Variants in LRP1B observed in about 807,000 individuals in gnomAD.
The protein encoded by LRP1B is low-density lipoprotein receptor-related protein 1B.
In LRP1B, 217 loss-of-function variants were observed where a neutral mutation model predicts 556.6. The ratio of observed to expected loss-of-function variants is 0.39; its 90% CI spans 0.35 to 0.44. The LOEUF (loss-of-function observed/expected upper bound fraction) is 0.44, where lower values mean the gene tolerates loss of function less well. Among genes scored for constraint, LRP1B ranks in the 20% least tolerant of loss-of-function variants. The pLI, the probability that LRP1B is intolerant of heterozygous loss-of-function variation, is 1.00. For missense variants in LRP1B, 5,053 were observed against 5,620.8 expected (o/e 0.90, Z 3.23); for synonymous variants, 2,047 against 1,865.8 (o/e 1.10, Z -2.50).
intron 60 of LRP1B, among the ~76,000 whole-genome samples, chr2:140,471,947 A>C (rs1176435320): frequency 6.6e-6 from 1 of 152,170 alleles, no homozygotes; most frequent in African/African-American, 2.4e-5. Flanking sequence ...CCTCTGTGTG[A>C]AGACTCCTTC....
chr2:141,182,498 G>T (rs1681049674), intron 7 of LRP1B, among the ~76,000 whole-genome samples: 1 of 151,686 alleles, frequency 6.6e-6, no homozygotes, highest in African/African-American at 2.4e-5. Flanking sequence ...AATATACACT[G>T]ATAAACCAAA....
intron 41 of LRP1B, among the ~76,000 whole-genome samples, chr2:140,699,602 T>A (rs1368941196): frequency 1.4e-5 from 2 of 143,416 alleles, no homozygotes; most frequent in African/African-American, 5.0e-5. Flanking sequence ...AAGAGAGAAG[T>A]TGTGTGAAGA....
At chr2:141,937,461 T>C (rs1389977031) in intron 1 of LRP1B, among the ~76,000 whole-genome samples, 1 of 151,372 alleles carries the variant, frequency 6.6e-6, no homozygotes, top group East Asian at 1.9e-4. Context: ...CTGTAGCAAA[T>C]ATGGAGAAAC....
intron 2 of LRP1B, among the ~76,000 whole-genome samples, chr2:141,621,166 A>G (rs1042720104): frequency 6.6e-6 from 1 of 152,194 alleles, no homozygotes; most frequent in Non-Finnish European, 1.5e-5. Context: ...ATAAAATTAT[A>G]TATGCCTATA....
chr2:140,957,681 G>T (rs973403568), intron 18 of LRP1B, among the ~76,000 whole-genome samples: 3 of 151,432 alleles, frequency 2.0e-5, no homozygotes, highest in Non-Finnish European at 3.0e-5. Context: ...ATATAAAAAC[G>T]TTGCCTGTGC....
intron 82 of LRP1B, among the ~76,000 whole-genome samples, chr2:140,315,645 C>T (rs1264074500): frequency 2.0e-5 from 3 of 152,116 alleles, no homozygotes; most frequent in Non-Finnish European, 4.4e-5. Flanking sequence ...ATTATATTTT[C>T]CAACCAAGAA....
intron 3 of LRP1B, among the ~76,000 whole-genome samples, chr2:141,411,849 T>C (rs1573915263): frequency 6.6e-6 from 1 of 152,116 alleles, no homozygotes; most frequent in South Asian, 2.1e-4. Context: ...CTAGAATGTA[T>C]TGATTTGTTA....
chr2:141,624,036 C>CAAAAAAAAAAAAAAAAAAAAAAAGAAA, intron 2 of LRP1B, among the ~76,000 whole-genome samples: 1 of 90,760 alleles, frequency 1.1e-5, no homozygotes, highest in Non-Finnish European at 2.1e-5. Context: ...AAAAATTAAA[C>CAAAAAAAAAAAAAAAAAAAAAAAGAAA]AAAAAAAAAA....
Position 140,745,570 on chromosome 2 carries a change from T to C in LRP1B, c.5758+23643A>G, listed in dbSNP as rs115549065. On this transcript the variant is annotated intron_variant, in intron 35 of 90. Coordinates refer to ENST00000389484, the MANE Select transcript of LRP1B (RefSeq NM_018557.3). ...AGTTGTTCTGGGTTTTCTGTGTGTA[T>C]ATGTGTGTGTTTTAACACATCTCAT... Among the ~76,000 whole-genome samples, 1,134 of 152,274 alleles carry C rather than the reference T, an allele frequency of 7.4e-3. 18 individuals carry two copies. The highest frequency in any genetic ancestry group is 0.025 in the African/African-American group (1,020 of 41,550).
intron 32 of LRP1B, 102 bp downstream of exon 32, chr2:140,813,555 T>G (rs1004871651): frequency 1.1e-6 from 1 of 941,396 alleles, no homozygotes; most frequent in Non-Finnish European, 1.7e-6. Flanking sequence ...AATATAGTTC[T>G]GGTGTTAGTG....
At chr2:140,345,213 G>C (rs1404778365) in intron 77 of LRP1B, among the ~76,000 whole-genome samples, 2 of 151,710 alleles carry the variant, frequency 1.3e-5, no homozygotes, top group Non-Finnish European at 2.9e-5. Context: ...ATTTCTAAAT[G>C]AGTAGGAAAT....
chr2:140,428,275 C>G (rs1480617701), intron 66 of LRP1B, among the ~76,000 whole-genome samples: 2 of 152,178 alleles, frequency 1.3e-5, no homozygotes, highest in Non-Finnish European at 2.9e-5. Flanking sequence ...AGCCAAGTAG[C>G]AACATATTTC....
chr2:140,840,434 T>C (rs114617332), intron 30 of LRP1B, among the ~76,000 whole-genome samples: 13 of 152,290 alleles, frequency 8.5e-5, no homozygotes, highest in Non-Finnish European at 1.8e-4. Context: ...TCAGATGCCA[T>C]AGAGGGTAAC....
At position 141,208,599 on chromosome 2, in the gene LRP1B, G is replaced by T. The variant is rs528368262; in HGVS notation, c.851-20016C>A. ...GGGATGGGAGTGGCTGGGCGCGGGG[G>T]GCTCACGCCTGTAATCCCAGAACTC... On this transcript the variant is annotated intron_variant, in intron 6 of 90. Transcript: ENST00000389484. 4.2e-4 allele frequency among the ~76,000 whole-genome samples: 63 copies of T among 151,754 alleles called. 1 individual carries two copies. Among genetic ancestry groups the T allele is most frequent in the Non-Finnish European group, 6.6e-4 (45 of 67,958 alleles).
chr2:140,965,492 T>C (rs923924406), intron 18 of LRP1B, among the ~76,000 whole-genome samples: 1 of 151,992 alleles, frequency 6.6e-6, no homozygotes, highest in Non-Finnish European at 1.5e-5. Flanking sequence ...TGATTCAGAG[T>C]ATCTATACAT....
At chr2:141,981,315 C>T (rs1020353125) in intron 1 of LRP1B, among the ~76,000 whole-genome samples, 1 of 152,004 alleles carries the variant, frequency 6.6e-6, no homozygotes, top group African/African-American at 2.4e-5. Flanking sequence ...GGCATTGGAC[C>T]TGCAACCTCA....
At chr2:141,204,813 T>C (rs1682200640) in intron 6 of LRP1B, among the ~76,000 whole-genome samples, 1 of 152,180 alleles carries the variant, frequency 6.6e-6, no homozygotes, top group African/African-American at 2.4e-5. Flanking sequence ...GGCAGGTGCC[T>C]GTAATCCCAA....
At chr2:141,294,794 T>C (rs1686119550) in intron 3 of LRP1B, among the ~76,000 whole-genome samples, 1 of 150,858 alleles carries the variant, frequency 6.6e-6, no homozygotes, top group African/African-American at 2.4e-5. Context: ...AAAATGAAAA[T>C]ATATTATGCT....
intron 4 of LRP1B, among the ~76,000 whole-genome samples, chr2:141,254,057 T>G (rs1684369207): frequency 6.6e-6 from 1 of 152,158 alleles, no homozygotes; most frequent in East Asian, 1.9e-4. Context: ...ATCCAGACAT[T>G]TAAAATAAAT....
Sources: allele counts gnomAD v4.1 joint callset (sites outside exome capture counted in the v4.1 genomes callset), GRCh38; gene constraint gnomAD v4.1.1; transcripts MANE v1.5; gene names NCBI Gene and HGNC (gene_info 2026-07-23, HGNC 2026-07-21).